Variants in UPF3B observed in about 807,000 individuals in gnomAD.
The protein encoded by UPF3B is UPF3B regulator of nonsense mediated mRNA decay, also known as regulator of nonsense transcripts 3B.
UPF3B carries 7 observed loss-of-function variants against 40.3 expected under a neutral mutation model. That is an observed-to-expected ratio of 0.17 (90% CI 0.10 to 0.33). The LOEUF (loss-of-function observed/expected upper bound fraction) is 0.33. Ranked by LOEUF, UPF3B falls within the 10% of genes least tolerant of loss-of-function variation. The pLI is 1.00. For synonymous variants in UPF3B, 117 were observed against 117.3 expected (o/e 1.00, Z 0.01); for missense variants, 229 against 358.9 (o/e 0.64, Z 2.93).
chrX:119,848,825 G>A (rs774308839), intron 3 of UPF3B, among the ~76,000 whole-genome samples: 1 of 111,598 alleles, frequency 9.0e-6, no homozygotes, highest in South Asian at 3.7e-4. Flanking sequence ...TGGAGGGAGA[G>A]AATGGGAGGT....
chrX:119,830,152 G>A (rs2056021528), downstream of UPF3B, among the ~76,000 whole-genome samples: 1 of 111,603 alleles, frequency 9.0e-6, no homozygotes, highest in African/African-American at 3.3e-5. Context: ...AGGAAGGGCT[G>A]GCAGAATGAA....
chrX:119,807,027 T>TAAAAAAAAAAAAAAA (rs1191950024), intron 6 of UPF3B, among the ~76,000 whole-genome samples: 1 of 21,420 alleles, frequency 4.7e-5, no homozygotes, highest in Non-Finnish European at 8.8e-5. Flanking sequence ...AGACCCTGTC[T>TAAAAAAAAAAAAAAA]AAAAAAAAAA....
rs1371253025 is a variant in UPF3B at position 119,823,974 on chromosome X, G to A, written c.393-931C>T. Among the ~76,000 whole-genome samples the A allele has an allele frequency of 1.1e-4, 12 of 111,658 alleles. 1 individual carries two copies. The highest frequency in any genetic ancestry group is 7.5e-5 in the Non-Finnish European group (4 of 53,095). On this transcript the variant is annotated intron_variant, in intron 3 of 6. Coordinates refer to the UPF3B transcript ENST00000636792. ...TGCCTGGCCTATAGTTATTAAGGAT[G>A]TGAAATTATGCTTTATGAGGAAGTG... is the stretch of plus-strand genomic sequence containing the variant.
In UPF3B at chrX:119,839,753, T is replaced by C. The variant is rs184815762; in HGVS notation, c.846+893A>G. Among the ~76,000 whole-genome samples the C allele has an allele frequency of 3.4e-4, 38 of 112,155 alleles. No individual in the cohort carries two copies. In the Middle Eastern group the frequency reaches 0.014, roughly 40 times the overall value. On this transcript the variant is annotated intron_variant, in intron 8 of 10. Coordinates refer to ENST00000276201, the MANE Select transcript of UPF3B (RefSeq NM_080632.3). ...GCACCAGTGTAAAATGAGGATACCATGTGCAGGTTTCATTGGAAGTGCTCT... is the reference window on the plus strand; with the variant it reads ...GCACCAGTGTAAAATGAGGATACCACGTGCAGGTTTCATTGGAAGTGCTCT...
chrX:119,829,108 G>A (rs944673411), downstream of UPF3B, among the ~76,000 whole-genome samples: 16 of 111,403 alleles, frequency 1.4e-4, no homozygotes, highest in Non-Finnish European at 2.8e-4. Context: ...TGCAATGTCC[G>A]CCTCCCCGGT....
At chrX:119,806,916 C>T in intron 6 of UPF3B, among the ~76,000 whole-genome samples, 1 of 106,529 alleles carries the variant, frequency 9.4e-6, no homozygotes, top group East Asian at 2.9e-4. Context: ...GTAATCCCAG[C>T]TACTCGGGAG....
At chrX:119,829,581 T>C (rs2007262), downstream of UPF3B, among the ~76,000 whole-genome samples, 51,225 of 110,743 alleles carry the variant, frequency 0.46, 8,862 homozygotes, top group East Asian at 0.78. Context: ...CCACTCCTCT[T>C]CCTTGAAACT....
rs16995673 is a variant in UPF3B, at chrX:119,851,459, A to T, written c.370+36T>A. ...GTTGTCTTAAACATACAAATGACAA[A>T]GAAATTCCCTTTTTACTTCAGTTAC... is the stretch of plus-strand genomic sequence containing the variant. On this transcript the variant is annotated intron_variant, in intron 3 of 10. Transcript: ENST00000276201. 7.8e-3 allele frequency: 8,042 copies of T among 1,035,890 alleles called. 378 individuals are homozygous for T. In the African/African-American group the frequency reaches 0.13, roughly 17 times the overall value. 85.4% of individuals were successfully genotyped at this position (1,035,890 alleles called of 1,213,427 possible). A position where few individuals can be genotyped will look rare whatever the true frequency, so the allele number is the denominator to read the frequency against.
chrX:119,806,442 C>A (rs1316185608), intron 6 of UPF3B, among the ~76,000 whole-genome samples: 1 of 105,525 alleles, frequency 9.5e-6, no homozygotes, highest in Non-Finnish European at 1.9e-5. Flanking sequence ...ATGTAACTAA[C>A]CTGCACAATG....
At chrX:119,805,506 G>C (rs2055782833) in intron 6 of UPF3B, 1 of 111,843 alleles carries the variant, frequency 8.9e-6, no homozygotes, top group African/African-American at 3.3e-5. Context: ...TTAAACTAAA[G>C]AGCTTCTGCA....
chrX:119,842,576 T>TCA (rs1491435021), intron 5 of UPF3B, among the ~76,000 whole-genome samples: 5 of 66,251 alleles, frequency 7.5e-5, no homozygotes, highest in African/African-American at 4.4e-4. Context: ...CAAGACTCCA[T>TCA]CTCTCACACA....
At chrX:119,807,563 G>T in exon 6 of UPF3B, 1 of 829,628 alleles carries the variant, frequency 1.2e-6, no homozygotes, top group South Asian at 4.3e-5. Flanking sequence ...GGATGGTAAA[G>T]CTTCATCCCT....
At chrX:119,851,184 T>C (rs1472768146) in intron 3 of UPF3B, among the ~76,000 whole-genome samples, 1 of 112,671 alleles carries the variant, frequency 8.9e-6, no homozygotes, top group East Asian at 2.8e-4. Flanking sequence ...TATTTAAAAC[T>C]TATCAAACAA....
chrX:119,818,770 T>C (rs1406082334), intron 4 of UPF3B, among the ~76,000 whole-genome samples: 1 of 112,072 alleles, frequency 8.9e-6, no homozygotes, highest in Non-Finnish European at 1.9e-5. Context: ...GCATATTAAT[T>C]GTGGTTTATG....
At chrX:119,828,670 T>TAA (rs1225152101) in intron 3 of UPF3B, among the ~76,000 whole-genome samples, 139 of 93,321 alleles carry the variant, frequency 1.5e-3, no homozygotes, top group Non-Finnish European at 2.4e-3. Flanking sequence ...AGTCTTTACT[T>TAA]AAAAAAAAAA....
chrX:119,820,622 G>A (rs2055907716), intron 4 of UPF3B, among the ~76,000 whole-genome samples: 1 of 95,220 alleles, frequency 1.1e-5, no homozygotes, highest in Non-Finnish European at 2.0e-5. Context: ...ACCAAGCCTG[G>A]CCAATTTTTT....
At chrX:119,812,776 A>C (rs1162568575) in intron 5 of UPF3B, among the ~76,000 whole-genome samples, 4 of 111,430 alleles carry the variant, frequency 3.6e-5, no homozygotes, top group Non-Finnish European at 7.5e-5. Flanking sequence ...ACCACCTAAA[A>C]AGAGATGAAT....
chrX:119,817,184 G>A (rs907981196), intron 4 of UPF3B, among the ~76,000 whole-genome samples: 3 of 111,126 alleles, frequency 2.7e-5, no homozygotes, highest in Non-Finnish European at 3.8e-5. Flanking sequence ...TGCCTGGCTG[G>A]TCTGGAACTC....
intron 4 of UPF3B, among the ~76,000 whole-genome samples, chrX:119,821,797 CA>C (rs759266262): frequency 2.0e-4 from 18 of 90,734 alleles, no homozygotes; most frequent in Non-Finnish European, 4.0e-4. Context: ...AACTCTGTCT[CA>C]AAAAAAAAAC....
Sources: allele counts gnomAD v4.1 joint callset (sites outside exome capture counted in the v4.1 genomes callset), GRCh38; gene constraint gnomAD v4.1.1; transcripts MANE v1.5; gene names NCBI Gene and HGNC (gene_info 2026-07-23, HGNC 2026-07-21).